Variants in MACROD2 observed in about 807,000 individuals in gnomAD.
MACROD2 encodes mono-ADP ribosylhydrolase 2.
MACROD2 carries 36 observed loss-of-function variants against 70.4 expected under a neutral mutation model. The ratio of observed to expected loss-of-function variants is 0.51; its 90% CI spans 0.39 to 0.68. MACROD2 has a LOEUF of 0.68. MACROD2 is among the 30% of genes least tolerant of loss of function. The pLI is 0.00. For missense variants in MACROD2, 496 were observed against 538.4 expected (o/e 0.92, Z 0.78); for synonymous variants, 172 against 178.8 (o/e 0.96, Z 0.30).
intron 9 of MACROD2, among the ~76,000 whole-genome samples, chr20:15,883,595 T>C (rs1158664633): frequency 1.1e-4 from 2 of 18,928 alleles, no homozygotes; most frequent in African/African-American, 1.3e-4. Context: ...AAATCTCTAA[T>C]CATCATTAAT....
At chr20:15,376,093 T>A (rs1450727258) in intron 6 of MACROD2, among the ~76,000 whole-genome samples, 1 of 152,192 alleles carries the variant, frequency 6.6e-6, no homozygotes, top group Non-Finnish European at 1.5e-5. Context: ...CCTTGAGAAC[T>A]TGTCAGAGCA....
chr20:14,023,782 A>T (rs1482152109), intron 2 of MACROD2, among the ~76,000 whole-genome samples: 1 of 152,188 alleles, frequency 6.6e-6, no homozygotes, highest in Non-Finnish European at 1.5e-5. Flanking sequence ...CACCAGTATC[A>T]TGCTGTTTTG....
rs143218599 is a variant in MACROD2 at position 15,919,780 on chromosome 20, C to T, written c.776-13496C>T. Reference sequence around the variant, plus strand: ...AAGGAATGTGATTATCATCTCAAGACGATCCACTGTCAGCGGGTATTGCCC... The same window carrying T: ...AAGGAATGTGATTATCATCTCAAGATGATCCACTGTCAGCGGGTATTGCCC... On this transcript the variant is annotated intron_variant, in intron 10 of 17. Transcript: ENST00000684519. Among the ~76,000 whole-genome samples the T allele has an allele frequency of 2.3e-3, 355 of 152,064 alleles. 1 individual carries two copies. Among genetic ancestry groups the T allele is most frequent in the Non-Finnish European group, 3.8e-3 (258 of 67,990 alleles).
At chr20:14,664,691 C>T (rs1042670916) in intron 4 of MACROD2, among the ~76,000 whole-genome samples, 5 of 152,048 alleles carry the variant, frequency 3.3e-5, no homozygotes, top group Non-Finnish European at 7.4e-5. Flanking sequence ...AATAATGAAG[C>T]TCACAGTAAT....
chr20:14,870,852 T>C (rs1280502661), intron 5 of MACROD2, among the ~76,000 whole-genome samples: 1 of 152,160 alleles, frequency 6.6e-6, no homozygotes, highest in Non-Finnish European at 1.5e-5. Context: ...TATTAGACCT[T>C]TGTGAGATGC....
At position 15,663,254 on chromosome 20, in the gene MACROD2, GA is replaced by G. The variant is rs1475015218; in HGVS notation, c.645+163408del. ...TTGATTTTTTTTTTTTTTTTTTTTT[GA>G]GACAGAGTCTTGCTCTGTCACCCGC... On this transcript the variant is annotated intron_variant, in intron 8 of 17. Transcript: ENST00000684519. 6.3e-3 allele frequency among the ~76,000 whole-genome samples: 419 copies of G among 66,844 alleles called. 3 individuals are homozygous for G. The highest frequency in any genetic ancestry group is 0.022 in the African/African-American group (374 of 17,080). 43.9% of individuals were successfully genotyped at this position (66,844 alleles called of 152,430 possible). A position where few individuals can be genotyped will look rare whatever the true frequency, so the allele number is the denominator to read the frequency against.
chr20:14,844,415 GC>G (rs1457040878), intron 5 of MACROD2, among the ~76,000 whole-genome samples: 1 of 151,948 alleles, frequency 6.6e-6, no homozygotes, highest in African/African-American at 2.4e-5. Context: ...TACTCGGGAG[GC>G]TGAGACGGGA....
intron 8 of MACROD2, among the ~76,000 whole-genome samples, chr20:15,501,205 T>C (rs1277021390): frequency 6.6e-6 from 1 of 152,226 alleles, no homozygotes; most frequent in African/African-American, 2.4e-5. Flanking sequence ...TATTGCTTGG[T>C]CATAGTAAAT....
chr20:14,754,592 C>T (rs1346307790), intron 5 of MACROD2, among the ~76,000 whole-genome samples: 5 of 151,976 alleles, frequency 3.3e-5, no homozygotes, highest in South Asian at 4.1e-4. Flanking sequence ...TAGTTATACA[C>T]GGGGCTATAA....
chr20:15,797,446 T>G (rs529861069), intron 8 of MACROD2, among the ~76,000 whole-genome samples: 73 of 152,256 alleles, frequency 4.8e-4, no homozygotes, highest in Admixed American at 2.7e-3. Context: ...AGTGACCCCA[T>G]GGTTACAAAG....
At chr20:14,042,659 C>G (rs945334646) in intron 2 of MACROD2, among the ~76,000 whole-genome samples, 3 of 152,152 alleles carry the variant, frequency 2.0e-5, no homozygotes, top group Non-Finnish European at 4.4e-5. Flanking sequence ...GCCATCATGT[C>G]CAGTTAATTT....
At chr20:15,420,190 T>G (rs1449026019) in intron 6 of MACROD2, among the ~76,000 whole-genome samples, 1 of 152,196 alleles carries the variant, frequency 6.6e-6, no homozygotes. Context: ...AAATTCATGG[T>G]GAAACTAATC....
intron 3 of MACROD2, among the ~76,000 whole-genome samples, chr20:14,163,390 C>CTT (rs2055219558): frequency 1.3e-5 from 2 of 151,934 alleles, no homozygotes; most frequent in Admixed American, 1.3e-4. Flanking sequence ...TTCTCTTTGT[C>CTT]TTTGACTTTT....
chr20:16,035,099 T>TAATATATAATATAAA (rs1286687057), intron 15 of MACROD2, among the ~76,000 whole-genome samples: 1 of 4,912 alleles, frequency 2.0e-4, no homozygotes, highest in African/African-American at 2.3e-4. Context: ...TAAAATATTA[T>TAATATATAATATAAA]ATATTATATA....
intron 5 of MACROD2, among the ~76,000 whole-genome samples, chr20:15,125,883 C>T (rs1175019625): frequency 2.7e-5 from 4 of 147,754 alleles, no homozygotes; most frequent in African/African-American, 9.7e-5. Context: ...AGACTACTTT[C>T]TGTCTCTCTA....
At chr20:15,491,661 C>G (rs1304009570) in intron 7 of MACROD2, among the ~76,000 whole-genome samples, 2 of 152,202 alleles carry the variant, frequency 1.3e-5, no homozygotes, top group Non-Finnish European at 2.9e-5. Context: ...GTTAACCCAA[C>G]AACTCTCAGT....
intron 3 of MACROD2, among the ~76,000 whole-genome samples, chr20:14,450,215 A>G (rs547519865): frequency 6.6e-6 from 1 of 152,274 alleles, no homozygotes; most frequent in African/African-American, 2.4e-5. Flanking sequence ...TACGTCATCT[A>G]AATCACCTTA....
chr20:15,616,195 C>T (rs146097570), intron 8 of MACROD2, among the ~76,000 whole-genome samples: 1 of 148,234 alleles, frequency 6.7e-6, no homozygotes, highest in African/African-American at 2.5e-5. Context: ...CCTCTGTCTC[C>T]TGGGTTCAAG....
chr20:15,788,424 T>G (rs1450487125), intron 8 of MACROD2, among the ~76,000 whole-genome samples: 8 of 152,200 alleles, frequency 5.3e-5, no homozygotes, highest in Admixed American at 4.6e-4. Context: ...TAGGAAGTAT[T>G]GGTATTTAAC....
Sources: allele counts gnomAD v4.1 joint callset (sites outside exome capture counted in the v4.1 genomes callset), GRCh38; gene constraint gnomAD v4.1.1; transcripts MANE v1.5; gene names NCBI Gene and HGNC (gene_info 2026-07-23, HGNC 2026-07-21).